TMEM40: variants seen among roughly 807,000 people sequenced by gnomAD.
TMEM40 encodes the protein transmembrane protein 40.
TMEM40 carries 34 observed loss-of-function variants against 40.8 expected under a neutral mutation model. The ratio of observed to expected loss-of-function variants is 0.83; its 90% confidence interval spans 0.63 to 1.11. TMEM40 has a LOEUF of 1.11. Ranked by LOEUF, TMEM40 falls within the 50% of genes least tolerant of loss-of-function variation. The pLI is 0.00. For missense variants in TMEM40, 296 were observed against 280.2 expected, an observed-to-expected ratio of 1.06 and a Z score of -0.40; for synonymous variants, 106 against 107.0, an observed-to-expected ratio of 0.99 and a Z score of 0.06.
intron 1 of TMEM40, among the ~76,000 whole-genome samples, chr3:12,755,233 C>CTCTTTCTTTCTT (rs749104547): frequency 0.041 from 2,466 of 59,836 alleles, 109 homozygotes; most frequent in Non-Finnish European, 0.055. Flanking sequence ...CTCTCTCTCT[C>CTCTTTCTTTCTT]TCTTTCTTTC....
intron 8 of TMEM40, 72 bp from the exon 9 acceptor site, chr3:12,736,907 C>A: frequency 6.3e-7 from 1 of 1,586,176 alleles, no homozygotes; most frequent in South Asian, 1.1e-5. Flanking sequence ...GAGACAAGGT[C>A]TTGCTCTGTC....
chr3:12,755,213 T>TTCTTTCTTTCTTTCTTTC (rs1553634015), intron 1 of TMEM40, among the ~76,000 whole-genome samples: 1 of 94,262 alleles, frequency 1.1e-5, no homozygotes, highest in African/African-American at 4.4e-5. Flanking sequence ...CTTTCTTTCT[T>TTCTTTCTTTCTTTCTTTC]TCTCTCTCTC....
intron 11 of TMEM40, 126 bp from the exon 12 acceptor site, chr3:12,734,919 G>A: frequency 9.3e-7 from 1 of 1,077,166 alleles, no homozygotes; most frequent in Non-Finnish European, 1.4e-6. Flanking sequence ...GAAGCCATGG[G>A]TCTCAATGAA....
rs531875333 is a variant in TMEM40 at position 12,737,608 on chromosome 3, T to G, written c.472+99A>C. ...TAAACTGCAGGGCACACGACAGAGG[T>G]GGGCTATGATTACTGCTGTGCTAGG... On this transcript the variant is annotated intron_variant, in intron 8 of 11. Transcript: ENST00000314124. 13 of 1,073,492 alleles carry G rather than the reference T, an allele frequency of 1.2e-5. No homozygotes were observed. In the East Asian group the frequency reaches 1.4e-4, roughly 12 times the overall value. The allele number at this position is 1,073,492 out of a possible 1,614,324, so 66.5% of individuals were successfully genotyped here.
intron 5 of TMEM40, among the ~76,000 whole-genome samples, chr3:12,740,382 G>A (rs1271741021): frequency 6.6e-6 from 1 of 151,164 alleles, no homozygotes; most frequent in African/African-American, 2.4e-5. Flanking sequence ...GAGCCACAGC[G>A]CCTGGCCACA....
upstream of TMEM40, among the ~76,000 whole-genome samples, chr3:12,763,041 TC>T (rs541501154): frequency 4.8e-3 from 716 of 149,620 alleles, 6 homozygotes; most frequent in African/African-American, 0.017. Context: ...GCTCCCGTAG[TC>T]CCAGCTACTC....
chr3:12,751,263 C>T (rs1418984044), intron 1 of TMEM40, among the ~76,000 whole-genome samples: 1 of 132,198 alleles, frequency 7.6e-6, no homozygotes, highest in Admixed American at 7.7e-5. Flanking sequence ...CTCGTAGGCC[C>T]CAGACTCCAT....
intron 1 of TMEM40, among the ~76,000 whole-genome samples, chr3:12,767,779 C>G (rs2061600756): frequency 6.6e-6 from 1 of 152,154 alleles, no homozygotes; most frequent in African/African-American, 2.4e-5. Flanking sequence ...CAAGGAGGGT[C>G]AAAGGCCTGG....
intron 4 of TMEM40, 72 bp from the exon 5 acceptor site, chr3:12,742,579 C>A: frequency 6.4e-7 from 1 of 1,556,912 alleles, no homozygotes; most frequent in Non-Finnish European, 8.8e-7. Flanking sequence ...TCTCCCATGG[C>A]TTCGACGCTT....
intron 1 of TMEM40, among the ~76,000 whole-genome samples, chr3:12,753,415 G>A (rs898623269): frequency 3.3e-5 from 5 of 151,014 alleles, no homozygotes; most frequent in African/African-American, 9.7e-5. Flanking sequence ...GTAGAGATAG[G>A]GTCTCACTAT....
At chr3:12,747,814 G>C (rs1279494326) in intron 3 of TMEM40, among the ~76,000 whole-genome samples, 1 of 150,860 alleles carries the variant, frequency 6.6e-6, no homozygotes, top group Admixed American at 6.6e-5. Flanking sequence ...GGGAGGCTGA[G>C]GCAGGAGAAT....
chr3:12,755,106 TTTC>T (rs1219048717), intron 1 of TMEM40, among the ~76,000 whole-genome samples: 7 of 144,590 alleles, frequency 4.8e-5, no homozygotes, highest in East Asian at 1.9e-4. Context: ...TCCCTCCTTT[TTTC>T]TTTTTTCTTT....
intron 3 of TMEM40, among the ~76,000 whole-genome samples, chr3:12,744,624 G>C (rs923527404): frequency 6.6e-6 from 1 of 152,156 alleles, no homozygotes; most frequent in South Asian, 2.1e-4. Flanking sequence ...ACCCTGCAAG[G>C]GTGCCCAGCT....
chr3:12,738,063 C>T (rs2061350668), intron 7 of TMEM40, 73 bp downstream of exon 7: 3 of 1,584,652 alleles, frequency 1.9e-6, no homozygotes. Flanking sequence ...CCCTCTCAGG[C>T]TGTCTGAGGA....
chr3:12,754,570 G>A (rs149951620), intron 1 of TMEM40, among the ~76,000 whole-genome samples: 19 of 152,316 alleles, frequency 1.2e-4, no homozygotes, highest in Non-Finnish European at 1.9e-4. Context: ...ATATCCTTAG[G>A]TGACATTAAC....
At chr3:12,734,822 G>A (rs770653649) in intron 11 of TMEM40, 29 bp from the exon 12 acceptor site, 4 of 1,593,776 alleles carry the variant, frequency 2.5e-6, no homozygotes, top group Non-Finnish European at 2.6e-6. Context: ...AGGATGGCAT[G>A]GGATTCTGAA....
chr3:12,766,622 T>C (rs1292513684), intron 1 of TMEM40, among the ~76,000 whole-genome samples: 1 of 151,954 alleles, frequency 6.6e-6, no homozygotes, highest in African/African-American at 2.4e-5. Flanking sequence ...ATTATTTATA[T>C]ATAGCAGATA....
chr3:12,754,952 CTTCT>C (rs146839839), intron 1 of TMEM40, among the ~76,000 whole-genome samples: 5,907 of 151,614 alleles, frequency 0.039, 385 homozygotes, highest in African/African-American at 0.14. Flanking sequence ...CTTTTCTTTC[CTTCT>C]TTCTTTCTTT....
At chr3:12,759,676 C>G (rs2061555892), upstream of TMEM40, 1 of 152,518 alleles carries the variant, frequency 6.6e-6, no homozygotes, top group Non-Finnish European at 1.5e-5. Flanking sequence ...TCCCAGGAGG[C>G]TGAGGTTGGG....
Sources: allele counts gnomAD v4.1 joint callset (sites outside exome capture counted in the v4.1 genomes callset), GRCh38; gene constraint gnomAD v4.1.1; transcripts MANE v1.5; gene names NCBI Gene and HGNC (gene_info 2026-07-23, HGNC 2026-07-21).